MED17: variants seen among roughly 807,000 people sequenced by gnomAD.
MED17 encodes the protein mediator of RNA polymerase II transcription subunit 17.
MED17 carries 49 observed loss-of-function variants against 80.8 expected under a neutral mutation model. That is an observed-to-expected ratio of 0.61 (90% CI 0.48 to 0.77). The LOEUF is 0.77. MED17 is among the 30% of genes least tolerant of loss of function. MED17 has a pLI of 0.00. For missense variants in MED17, 718 were observed against 787.0 expected (o/e 0.91, Z 1.05); for synonymous variants, 281 against 280.4 (o/e 1.00, Z -0.02).
chr11:93,797,616 G>T lies in MED17; in HGVS notation c.1225G>T (p.Gly409Cys). The change falls in exon 8 of 12, where the codon GGT (glycine) becomes TGT (cysteine). Residue 409 changes from glycine to cysteine, a missense_variant. Gly to Cys is a radical substitution (Grantham distance 159). Coordinates refer to ENST00000251871, the MANE Select transcript of MED17 (RefSeq NM_004268.5). ...TGGCCACAAGAGAATGAGACTTTCGGGTCCTCAAGCTTTTGATAAAAATGA... is the reference window on the plus strand; with the variant it reads ...TGGCCACAAGAGAATGAGACTTTCGTGTCCTCAAGCTTTTGATAAAAATGA... ...PFGHKRMRLS[G>C]PQAFDKNEIN... 1 of 1,613,952 alleles carries T rather than the reference G, an allele frequency of 6.2e-7. No individual in the cohort carries two copies. The highest frequency in any genetic ancestry group is 8.5e-7 in the Non-Finnish European group (1 of 1,179,920).
rs909122518 is a variant in MED17, at chr11:93,809,994, T to C, written c.1744+118T>C. ...CTCTGCAATAAATTAGTTAATGTTG[T>C]ATTTACACCGAATGTTTATTTGATC... On this transcript the variant is annotated intron_variant, in intron 11 of 11. Coordinates refer to ENST00000251871, the MANE Select transcript of MED17 (RefSeq NM_004268.5). 8.4e-5 allele frequency: 83 copies of C among 992,942 alleles called. 1 individual carries two copies. The allele number at this position is 992,942 out of a possible 1,614,324, so 61.5% of individuals were successfully genotyped here.
chr11:93,800,244 A>G (rs1324457004), intron 8 of MED17, among the ~76,000 whole-genome samples: 1 of 152,316 alleles, frequency 6.6e-6, no homozygotes, highest in South Asian at 2.1e-4. Flanking sequence ...CCCTAAGTCT[A>G]TTAATGTAAA....
intron 1 of MED17, among the ~76,000 whole-genome samples, chr11:93,786,623 A>C (rs567847537): frequency 6.6e-6 from 1 of 152,118 alleles, no homozygotes; most frequent in South Asian, 2.1e-4. Flanking sequence ...GTGCGGCACC[A>C]TGCCTGGCTA....
In MED17 at chr11:93,812,665, G is replaced by T. The variant is rs1167847801; in HGVS notation, c.*601G>T. On this transcript the variant is annotated 3_prime_UTR_variant, in exon 12 of 12. Transcript: ENST00000251871. Reference sequence around the variant, plus strand: ...TGTTGCCCAGGCTGGTTTCGAACTCGGCTCAAGTGATCTACCTGCCTCTGC... The same window carrying T: ...TGTTGCCCAGGCTGGTTTCGAACTCTGCTCAAGTGATCTACCTGCCTCTGC... The T allele has an allele frequency of 6.5e-6, 1 of 154,660 alleles. No homozygotes were observed. Among genetic ancestry groups the T allele is most frequent in the Non-Finnish European group, 1.4e-5 (1 of 69,914 alleles). The allele number at this position is 154,660 out of a possible 1,614,324, so 9.6% of individuals were successfully genotyped here.
At chr11:93,784,960 C>G in intron 1 of MED17, 197 bp downstream of exon 1, 1 of 727,918 alleles carries the variant, frequency 1.4e-6, no homozygotes, top group Non-Finnish European at 2.2e-6. Context: ...CGTAATACTC[C>G]TGCGGGTCTC....
At chr11:93,792,674 G>A (rs1328679247) in intron 3 of MED17, among the ~76,000 whole-genome samples, 2 of 152,166 alleles carry the variant, frequency 1.3e-5, no homozygotes, top group African/African-American at 4.8e-5. Context: ...GGGCATGGGG[G>A]CTCACACCTG....
chr11:93,806,622 T>C (rs1944028274), intron 9 of MED17: 1 of 152,202 alleles, frequency 6.6e-6, no homozygotes, highest in Admixed American at 6.5e-5. Flanking sequence ...ACAAAACCGC[T>C]TCTCTTTCTG....
chr11:93,788,316 T>C (rs1943792841), intron 2 of MED17, 149 bp downstream of exon 2: 1 of 650,072 alleles, frequency 1.5e-6, no homozygotes, highest in African/African-American at 1.8e-5. Context: ...AACAAAGCCA[T>C]ACAACTGCAT....
chr11:93,805,597 C>T (rs1591390076), intron 9 of MED17, among the ~76,000 whole-genome samples: 2 of 152,168 alleles, frequency 1.3e-5, no homozygotes, highest in African/African-American at 4.8e-5. Flanking sequence ...AAGATAAGGA[C>T]ATTTAAATTT....
intron 11 of MED17, 98 bp downstream of exon 11, chr11:93,809,974 C>T (rs562874826): frequency 1.7e-6 from 2 of 1,210,822 alleles, no homozygotes; most frequent in East Asian, 4.7e-5. Context: ...TTTATCTCTG[C>T]AATAAATTAG....
intron 9 of MED17, among the ~76,000 whole-genome samples, chr11:93,803,205 A>G (rs1943981338): frequency 2.0e-5 from 3 of 152,198 alleles, no homozygotes; most frequent in African/African-American, 4.8e-5. Context: ...TGAAACACAA[A>G]ATAACGACCC....
chr11:93,800,377 C>T (rs1943949427), intron 8 of MED17, among the ~76,000 whole-genome samples: 1 of 151,810 alleles, frequency 6.6e-6, no homozygotes, highest in Non-Finnish European at 1.5e-5. Flanking sequence ...GCCTGTAATC[C>T]TAGCACTTTG....
In MED17 at chr11:93,784,331, G is replaced by T. The variant is rs552615583; in HGVS notation, c.-183G>T. Reference sequence around the variant, plus strand: ...AGGAGGGAGCTTGCGGTGCGTTCTGGGAAAGTTGCTGGGCCAGCTCCTTTG... The same window carrying T: ...AGGAGGGAGCTTGCGGTGCGTTCTGTGAAAGTTGCTGGGCCAGCTCCTTTG... On this transcript the variant is annotated 5_prime_UTR_variant, in exon 1 of 12. Coordinates refer to ENST00000251871, the MANE Select transcript of MED17 (RefSeq NM_004268.5). The T allele has an allele frequency of 1.4e-5, 11 of 784,920 alleles. No individual in the cohort carries two copies. Among genetic ancestry groups the T allele is most frequent in the Non-Finnish European group, 2.1e-5 (11 of 513,864 alleles). The allele number at this position is 784,920 out of a possible 1,614,324, so 48.6% of individuals were successfully genotyped here.
Position 93,790,717 on chromosome 11 carries a change from T to C in MED17, c.561T>C (p.Leu187=). ...TACAAAGAGACTTCAATTCTGAGCT[T>C]TTGCGATTACGGCAACACTGGAAAC... ...NKLQRDFNSE[L]LRLRQHWKLR... is the part of the protein sequence containing the mutation. Residue 187 remains leucine, a synonymous_variant, in exon 3 of 12, where the codon CTT becomes CTC. Coordinates refer to ENST00000251871, the MANE Select transcript of MED17 (RefSeq NM_004268.5). 1.2e-6 allele frequency: 2 copies of C among 1,614,222 alleles called. No homozygotes were observed. The highest frequency in any genetic ancestry group is 2.2e-5 in the East Asian group (1 of 44,890).
Position 93,796,303 on chromosome 11 carries a change from T to G in MED17, c.1013-107T>G. On this transcript the variant is annotated intron_variant, in intron 6 of 11. Transcript: ENST00000251871. Reference sequence around the variant, plus strand: ...AATCATGAGGTCTGATCTTCAAGTTTAGAATATATCTTTTGAAAATGAACT... The same window carrying G: ...AATCATGAGGTCTGATCTTCAAGTTGAGAATATATCTTTTGAAAATGAACT... 4 of 1,123,290 alleles carry G rather than the reference T, an allele frequency of 3.6e-6. No individual in the cohort carries two copies. The South Asian group carries it at 5.0e-5, about 14-fold the overall frequency. 69.6% of individuals were successfully genotyped at this position (1,123,290 alleles called of 1,614,324 possible).
chr11:93,790,031 C>G (rs930594509), intron 2 of MED17, among the ~76,000 whole-genome samples: 1 of 152,114 alleles, frequency 6.6e-6, no homozygotes, highest in African/African-American at 2.4e-5. Flanking sequence ...TGGTAAGATG[C>G]AAAATATGGT....
chr11:93,794,033 C>T lies in MED17; in HGVS notation c.857C>T (p.Pro286Leu). 1.2e-6 allele frequency: 2 copies of T among 1,611,312 alleles called. No individual in the cohort carries two copies. ...AAACGACCTTTGCCCAAATCCAAAC[C>T]AGGTATGGTTATGTTCTATTCTCTA... ...LFKRPLPKSK[P>L]GSPHWQTKLE... The change falls in exon 5 of 12, where the codon CCA (proline) becomes CTA (leucine). Residue 286 changes from proline to leucine, a missense_variant and splice_region_variant. By Grantham distance (98) the Pro-to-Leu change is moderately conservative (BLOSUM62 -3). Transcript: ENST00000251871.
At position 93,796,417 on chromosome 11, in the gene MED17, G is replaced by A; in HGVS notation, c.1020G>A (p.Gln340=). ...CCTTCTTTTTATAAATAGGCTTGCA[G>A]TTATCTATTTCTTTGTGCCATTCCT... The part of the protein sequence containing the change: ...QIISQPFPSL[Q]LSISLCHSSN... The change falls in exon 7 of 12, where the codon CAG becomes CAA. Residue 340 remains glutamine, a synonymous_variant. Coordinates refer to ENST00000251871, the MANE Select transcript of MED17 (RefSeq NM_004268.5). 6.2e-7 allele frequency: 1 copy of A among 1,612,178 alleles called. No individual in the cohort carries two copies. Among genetic ancestry groups the A allele is most frequent in the African/African-American group, 1.3e-5 (1 of 74,994 alleles).
At chr11:93,784,896 G>C in intron 1 of MED17, 133 bp downstream of exon 1, 1 of 1,290,508 alleles carries the variant, frequency 7.7e-7, no homozygotes, top group Non-Finnish European at 1.0e-6. Flanking sequence ...GAAGCGTAAG[G>C]ATACTTGGTC....
Sources: gnomAD v4.1 joint callset for allele counts (sites outside exome capture counted in the v4.1 genomes callset) on GRCh38, gnomAD v4.1.1 for gene constraint, MANE v1.5 for transcripts, NCBI Gene and HGNC (gene_info 2026-07-23, HGNC 2026-07-21) for gene names.